Variants in TNKS observed in about 807,000 individuals in gnomAD.
TNKS encodes tankyrase, also known as poly [ADP-ribose] polymerase tankyrase-1.
Under a neutral mutation model 135.8 loss-of-function variants are expected in TNKS, and 72 were observed. The observed-to-expected ratio is 0.53, with a 90% CI of 0.44 to 0.64. TNKS has a LOEUF of 0.64. Among genes scored for constraint, TNKS ranks in the 30% least tolerant of loss-of-function variants. The pLI, the probability that TNKS is intolerant of heterozygous loss-of-function variation, is 0.00. For missense variants in TNKS, 1,769 were observed against 1,674.0 expected, an observed-to-expected ratio of 1.06 and a Z score of -0.99; for synonymous variants, 849 against 649.3, an observed-to-expected ratio of 1.31 and a Z score of -4.68.
intron 26 of TNKS, among the ~76,000 whole-genome samples, chr8:9,776,278 T>G (rs977037951): frequency 1.3e-5 from 2 of 152,206 alleles, no homozygotes; most frequent in African/African-American, 4.8e-5. Flanking sequence ...AATTTTTCTT[T>G]CATTTAGCAA....
intron 2 of TNKS, among the ~76,000 whole-genome samples, chr8:9,612,955 G>A (rs1158949911): frequency 6.6e-6 from 1 of 152,192 alleles, no homozygotes; most frequent in Non-Finnish European, 1.5e-5. Flanking sequence ...TATTCATTAA[G>A]TGGAAGTGGA....
At chr8:9,614,439 G>T (rs1444306182) in intron 2 of TNKS, among the ~76,000 whole-genome samples, 1 of 152,198 alleles carries the variant, frequency 6.6e-6, no homozygotes, top group Non-Finnish European at 1.5e-5. Context: ...CCTGGCAGCT[G>T]TGTCCTAGTT....
intron 3 of TNKS, among the ~76,000 whole-genome samples, chr8:9,626,549 T>G (rs191853842): frequency 1.3e-5 from 2 of 152,370 alleles, no homozygotes; most frequent in East Asian, 3.9e-4. Context: ...TAGTTCTTGG[T>G]ATGACAAGTG....
intron 2 of TNKS, among the ~76,000 whole-genome samples, chr8:9,599,641 G>A (rs1798934821): frequency 6.6e-6 from 1 of 152,108 alleles, no homozygotes. Context: ...TGTTATGTGA[G>A]CAGATAATTC....
At chr8:9,611,488 T>C (rs1405620499) in intron 2 of TNKS, among the ~76,000 whole-genome samples, 1 of 152,236 alleles carries the variant, frequency 6.6e-6, no homozygotes, top group Non-Finnish European at 1.5e-5. Flanking sequence ...TATATTAGTG[T>C]GCTATCAATG....
chr8:9,597,869 G>C (rs1488053690), intron 2 of TNKS, among the ~76,000 whole-genome samples: 2 of 152,110 alleles, frequency 1.3e-5, no homozygotes, highest in African/African-American at 4.8e-5. Context: ...GGTGGGAAGT[G>C]AAATATGTGA....
intron 5 of TNKS, among the ~76,000 whole-genome samples, chr8:9,701,468 C>CCAGT (rs1221539792): frequency 6.6e-6 from 1 of 152,172 alleles, no homozygotes; most frequent in Non-Finnish European, 1.5e-5. Flanking sequence ...GACTTACTGA[C>CCAGT]CAGTCCTCCA....
At position 9,777,946 on chromosome 8, in the gene TNKS, G is replaced by T. The variant is rs1808301701; in HGVS notation, c.*1210G>T. ...TATTTTGAGTGGCATGCTTCAAATA[G>T]TTCATAAAGATCCTTGCATTAAATT... On this transcript the variant is annotated 3_prime_UTR_variant, in exon 27 of 27. Transcript: ENST00000310430. The T allele has an allele frequency of 6.6e-6, 1 of 152,594 alleles. No individual in the cohort carries two copies. Among genetic ancestry groups the T allele is most frequent in the African/African-American group, 2.4e-5 (1 of 41,430 alleles). The allele number at this position is 152,594 out of a possible 1,614,324, so 9.5% of individuals were successfully genotyped here.
chr8:9,772,271 G>A lies in TNKS; in HGVS notation c.3897+2009G>A, dbSNP rs149376959. 2,489 of 415,086 alleles carry A rather than the reference G, an allele frequency of 6.0e-3. 59 individuals are homozygous for A. The highest frequency in any genetic ancestry group is 0.047 in the African/African-American group (2,291 of 48,360). 25.7% of individuals were successfully genotyped at this position (415,086 alleles called of 1,614,324 possible). ...TACTTTCAAAGGGGGCTGGGGGGAG[G>A]AGTAATTATATATTGGAGAAAGGGG... is the stretch of plus-strand genomic sequence containing the variant. On this transcript the variant is annotated intron_variant, in intron 26 of 26. Transcript: ENST00000310430.
intron 11 of TNKS, among the ~76,000 whole-genome samples, chr8:9,711,236 T>C (rs1325358175): frequency 6.6e-6 from 1 of 152,194 alleles, no homozygotes; most frequent in Admixed American, 6.5e-5. Flanking sequence ...TTTACCAATA[T>C]TGAATACAAA....
intron 3 of TNKS, among the ~76,000 whole-genome samples, chr8:9,619,366 A>G (rs1799774141): frequency 6.6e-6 from 1 of 152,190 alleles, no homozygotes; most frequent in African/African-American, 2.4e-5. Context: ...TAGAGGGAGC[A>G]GTGGAAAATT....
intron 13 of TNKS, among the ~76,000 whole-genome samples, chr8:9,728,213 C>G (rs1310067345): frequency 1.3e-5 from 2 of 152,058 alleles, no homozygotes; most frequent in Admixed American, 6.5e-5. Context: ...CAAAAGAAAA[C>G]AAAGCAGCAC....
rs1454215180 is a variant in TNKS at position 9,777,861 on chromosome 8, G to A, written c.*1125G>A. ...GTTGAGAATGCTGGGATTCAGACTC[G>A]AATAGTGGATAGATACACACAAATG... On this transcript the variant is annotated 3_prime_UTR_variant, in exon 27 of 27. Transcript: ENST00000310430. 1 of 152,468 alleles carries A rather than the reference G, an allele frequency of 6.6e-6. No homozygotes were observed. Among genetic ancestry groups the A allele is most frequent in the Non-Finnish European group, 1.5e-5 (1 of 68,030 alleles). The allele number at this position is 152,468 out of a possible 1,614,324, so 9.4% of individuals were successfully genotyped here. A position where few individuals can be genotyped will look rare whatever the true frequency, so the allele number is the denominator to read the frequency against.
intron 3 of TNKS, among the ~76,000 whole-genome samples, chr8:9,656,315 T>C (rs953509270): frequency 1.3e-5 from 2 of 152,224 alleles, no homozygotes; most frequent in African/African-American, 2.4e-5. Context: ...GAGAACACTC[T>C]GCAGGATATT....
chr8:9,728,704 TATATTA>T (rs1208480259), intron 13 of TNKS, among the ~76,000 whole-genome samples: 5 of 152,194 alleles, frequency 3.3e-5, no homozygotes, highest in Non-Finnish European at 7.3e-5. Context: ...ATGCTGTTTA[TATATTA>T]ATATAGCCAC....
intron 3 of TNKS, among the ~76,000 whole-genome samples, chr8:9,675,416 G>A (rs1427980265): frequency 6.6e-6 from 1 of 152,136 alleles, no homozygotes. Flanking sequence ...ATTCTAGACT[G>A]AAGTCTTTAC....
intron 23 of TNKS, among the ~76,000 whole-genome samples, chr8:9,765,432 C>T (rs1807376620): frequency 6.6e-6 from 1 of 151,600 alleles, no homozygotes; most frequent in South Asian, 2.1e-4. Context: ...AACCTTTTTA[C>T]CTATTTTTTT....
intron 17 of TNKS, among the ~76,000 whole-genome samples, chr8:9,746,862 A>T (rs1806261187): frequency 1.4e-5 from 2 of 139,474 alleles, no homozygotes; most frequent in African/African-American, 5.5e-5. Flanking sequence ...CTTATCTGAG[A>T]GTTTCATACC....
intron 17 of TNKS, among the ~76,000 whole-genome samples, chr8:9,746,423 G>C (rs1014935536): frequency 1.3e-5 from 2 of 152,124 alleles, no homozygotes; most frequent in African/African-American, 4.8e-5. Flanking sequence ...GAGTGAACCT[G>C]GTCTCCATGG....
Sources: gnomAD v4.1 joint callset for allele counts (sites outside exome capture counted in the v4.1 genomes callset) on GRCh38, gnomAD v4.1.1 for gene constraint, MANE v1.5 for transcripts, NCBI Gene and HGNC (gene_info 2026-07-23, HGNC 2026-07-21) for gene names.